Variants in MAML2 observed in about 807,000 individuals in gnomAD.
The protein encoded by MAML2 is mastermind like transcriptional coactivator 2, also known as mastermind-like protein 2.
A neutral mutation model predicts 96.1 loss-of-function variants in MAML2; 22 were observed. The observed-to-expected ratio is 0.23, with a 90% confidence interval of 0.16 to 0.33. The LOEUF is 0.33. Among genes scored for constraint, MAML2 ranks in the 10% least tolerant of loss-of-function variants. The pLI is 1.00. For synonymous variants in MAML2, 561 were observed against 521.3 expected, an observed-to-expected ratio of 1.08 and a Z score of -1.04; for missense variants, 1,367 against 1,392.4, an observed-to-expected ratio of 0.98 and a Z score of 0.29.
intron 2 of MAML2, among the ~76,000 whole-genome samples, chr11:96,025,554 T>A (rs1289689299): frequency 1.3e-5 from 2 of 152,132 alleles, no homozygotes; most frequent in Non-Finnish European, 2.9e-5. Context: ...AAAGTGTAAA[T>A]TATTGTTATT....
intron 2 of MAML2, among the ~76,000 whole-genome samples, chr11:96,049,913 A>T (rs1175236713): frequency 2.0e-5 from 3 of 152,194 alleles, no homozygotes; most frequent in Non-Finnish European, 4.4e-5. Context: ...ATCATTAATA[A>T]TTTAAATCAG....
At chr11:96,282,555 A>C (rs1863087143) in intron 1 of MAML2, among the ~76,000 whole-genome samples, 1 of 152,176 alleles carries the variant, frequency 6.6e-6, no homozygotes, top group Non-Finnish European at 1.5e-5. Context: ...TGTTTGTTTA[A>C]ATTATCTCTC....
chr11:96,167,811 G>T (rs1157127341), intron 1 of MAML2, among the ~76,000 whole-genome samples: 1 of 152,164 alleles, frequency 6.6e-6, no homozygotes, highest in African/African-American at 2.4e-5. Context: ...CAGAAATCCT[G>T]TTCTCACTGA....
chr11:96,232,645 G>T (rs1375721199), intron 1 of MAML2, among the ~76,000 whole-genome samples: 2 of 152,238 alleles, frequency 1.3e-5, no homozygotes, highest in East Asian at 1.9e-4. Context: ...AATTTTGTTT[G>T]TATTTTTAGT....
intron 2 of MAML2, among the ~76,000 whole-genome samples, chr11:96,030,349 C>T (rs892775692): frequency 6.6e-6 from 1 of 151,908 alleles, no homozygotes; most frequent in East Asian, 1.9e-4. Flanking sequence ...TGACCTATAA[C>T]AGCCATTGTG....
chr11:96,104,022 G>C (rs1229872447), intron 1 of MAML2, among the ~76,000 whole-genome samples: 1 of 152,050 alleles, frequency 6.6e-6, no homozygotes, highest in East Asian at 1.9e-4. Context: ...TTTTCCTTAA[G>C]TCTCGACTTA....
chr11:96,342,493 T>C lies in MAML2; in HGVS notation c.-598A>G, dbSNP rs1304950927. On this transcript the variant is annotated 5_prime_UTR_variant, in exon 1 of 5. Transcript: ENST00000524717. ...CAAAACAGTGCTGTTTCAGAAGATG[T>C]TTAAGTCACTGTTCAAAATGTGCAA... The C allele has an allele frequency of 7.5e-6, 3 of 398,432 alleles. No individual in the cohort carries two copies. The highest frequency in any genetic ancestry group is 2.1e-5 in the African/African-American group (1 of 48,624). 24.7% of individuals were successfully genotyped at this position (398,432 alleles called of 1,614,324 possible).
rs185621200 is a variant in MAML2, at chr11:96,327,706, A to G, written c.513+13677T>C. On this transcript the variant is annotated intron_variant, in intron 1 of 4. Transcript: ENST00000524717. The stretch of plus-strand genomic sequence containing the variant: ...AGTGTTTGGATTACAGGCATGAGCA[A>G]CTGCGCCCGGCCCTTTCCCATACTC... Among the ~76,000 whole-genome samples the G allele has an allele frequency of 4.5e-3, 685 of 152,174 alleles. 8 individuals are homozygous for G. Among genetic ancestry groups the G allele is most frequent in the African/African-American group, 0.015 (630 of 41,530 alleles).
At chr11:96,170,076 G>A (rs1241592351) in intron 1 of MAML2, among the ~76,000 whole-genome samples, 4 of 152,210 alleles carry the variant, frequency 2.6e-5, no homozygotes, top group African/African-American at 9.6e-5. Context: ...GGTTTCAAGA[G>A]GATACAGGTT....
At chr11:96,040,656 AC>A (rs1858792662) in intron 2 of MAML2, among the ~76,000 whole-genome samples, 1 of 152,060 alleles carries the variant, frequency 6.6e-6, no homozygotes, top group Admixed American at 6.5e-5. Context: ...AATCCTAGCT[AC>A]CCAGGAGGCT....
intron 1 of MAML2, among the ~76,000 whole-genome samples, chr11:96,154,549 T>C (rs35476323): frequency 6.6e-6 from 1 of 152,190 alleles, no homozygotes; most frequent in African/African-American, 2.4e-5. Flanking sequence ...AATGAATACT[T>C]AGAATAACAT....
intron 2 of MAML2, among the ~76,000 whole-genome samples, chr11:96,083,673 G>A (rs1364748899): frequency 6.6e-6 from 1 of 152,176 alleles, no homozygotes; most frequent in Non-Finnish European, 1.5e-5. Flanking sequence ...CAGAAGAAAG[G>A]ACGATAAGTC....
chr11:96,012,935 T>C (rs924154064), intron 2 of MAML2, among the ~76,000 whole-genome samples: 9 of 152,238 alleles, frequency 5.9e-5, no homozygotes, highest in Non-Finnish European at 1.2e-4. Context: ...TGTTCCCTTT[T>C]CCTGTGTCTT....
At chr11:96,149,432 A>AAAAAAAAAAAT (rs59453325) in intron 1 of MAML2, among the ~76,000 whole-genome samples, 8 of 112,606 alleles carry the variant, frequency 7.1e-5, no homozygotes, top group Non-Finnish European at 1.0e-4. Flanking sequence ...AAAAAAAAAA[A>AAAAAAAAAAAT]TGAGAAGTTA....
chr11:96,030,808 T>A (rs920325915), intron 2 of MAML2, among the ~76,000 whole-genome samples: 1 of 152,002 alleles, frequency 6.6e-6, no homozygotes, highest in Non-Finnish European at 1.5e-5. Flanking sequence ...ACTCCTGGAG[T>A]ACTAATACAA....
intron 1 of MAML2, among the ~76,000 whole-genome samples, chr11:96,232,202 C>T (rs1862303017): frequency 6.6e-6 from 1 of 152,202 alleles, no homozygotes; most frequent in South Asian, 2.1e-4. Context: ...ACGTCTTTGG[C>T]TCCTCCATGA....
intron 1 of MAML2, among the ~76,000 whole-genome samples, chr11:96,120,617 A>G (rs1262224540): frequency 6.6e-6 from 1 of 152,230 alleles, no homozygotes; most frequent in Non-Finnish European, 1.5e-5. Flanking sequence ...AAGTCTTTGT[A>G]ATGAATAATA....
At chr11:96,117,804 A>G (rs556606246) in intron 1 of MAML2, among the ~76,000 whole-genome samples, 33 of 152,216 alleles carry the variant, frequency 2.2e-4, no homozygotes, top group Admixed American at 9.2e-4. Flanking sequence ...CAAGACAATC[A>G]GAGTTATAAG....
chr11:95,987,450 T>C (rs1288687579), intron 3 of MAML2, among the ~76,000 whole-genome samples: 1 of 152,174 alleles, frequency 6.6e-6, no homozygotes, highest in Non-Finnish European at 1.5e-5. Flanking sequence ...CAATTTTGTA[T>C]GCATCCCAAA....
Sources: allele counts gnomAD v4.1 joint callset (sites outside exome capture counted in the v4.1 genomes callset), GRCh38; gene constraint gnomAD v4.1.1; transcripts MANE v1.5; gene names NCBI Gene and HGNC (gene_info 2026-07-23, HGNC 2026-07-21).